Variants in SLC4A7 observed in about 807,000 individuals in gnomAD.
SLC4A7 encodes the protein sodium bicarbonate cotransporter 3.
A neutral mutation model predicts 137.6 loss-of-function variants in SLC4A7; 51 were observed. The observed-to-expected ratio is 0.37, with a 90% CI of 0.30 to 0.47. The LOEUF (loss-of-function observed/expected upper bound fraction) is 0.47, where lower values mean the gene tolerates loss of function less well. Ranked by LOEUF, SLC4A7 falls within the 20% of genes least tolerant of loss-of-function variation. The probability of loss-of-function intolerance (pLI) is 1.00; values close to 1 mark genes in which losing one functional copy is unlikely to be tolerated. For missense variants in SLC4A7, 1,247 were observed against 1,525.4 expected (o/e 0.82, Z 3.04); for synonymous variants, 542 against 518.6 (o/e 1.05, Z -0.61).
intron 22 of SLC4A7, among the ~76,000 whole-genome samples, chr3:27,386,318 CA>C (rs1376828079): frequency 7.3e-6 from 1 of 136,562 alleles, no homozygotes; most frequent in African/African-American, 2.4e-5. Flanking sequence ...CACTGAATAT[CA>C]AAGCAAAAAA....
chr3:27,478,493 A>C (rs531584555), intron 1 of SLC4A7, among the ~76,000 whole-genome samples: 1 of 149,208 alleles, frequency 6.7e-6, no homozygotes, highest in South Asian at 2.2e-4. Flanking sequence ...ACTCCTGGGC[A>C]AAAGAGCGAG....
chr3:27,408,639 C>T (rs530875268), intron 13 of SLC4A7, among the ~76,000 whole-genome samples: 8 of 152,252 alleles, frequency 5.3e-5, no homozygotes, highest in Middle Eastern at 3.4e-3. Flanking sequence ...AATTACAAAT[C>T]GTCTCATTTA....
intron 13 of SLC4A7, among the ~76,000 whole-genome samples, chr3:27,407,988 A>G (rs993234970): frequency 1.3e-5 from 2 of 152,144 alleles, no homozygotes; most frequent in South Asian, 4.1e-4. Context: ...CTGATAACTA[A>G]TACATATCCT....
At position 27,375,736 on chromosome 3, in the gene SLC4A7, G is replaced by T. The variant is rs1040036461; in HGVS notation, c.*1028C>A. 2.0e-5 allele frequency: 3 copies of T among 151,986 alleles called. No homozygotes were observed. Among genetic ancestry groups the T allele is most frequent in the African/African-American group, 7.3e-5 (3 of 41,304 alleles). 9.4% of individuals were successfully genotyped at this position (151,986 alleles called of 1,614,324 possible). On this transcript the variant is annotated 3_prime_UTR_variant, in exon 26 of 26. Coordinates refer to ENST00000454389, the MANE Select transcript of SLC4A7 (RefSeq NM_001321103.2). Reference sequence around the variant, plus strand: ...ATAAATATTTTAAAATAAAATCACAGGTAACAAGCTATTAAATGTAATCTA... The same window carrying T: ...ATAAATATTTTAAAATAAAATCACATGTAACAAGCTATTAAATGTAATCTA...
At chr3:27,431,766 C>T in intron 6 of SLC4A7, 97 bp from the exon 7 acceptor site, 1 of 1,242,738 alleles carries the variant, frequency 8.0e-7, no homozygotes, top group South Asian at 1.9e-5. Context: ...AAATTGCATA[C>T]TTCAAAGGCC....
chr3:27,424,497 A>T (rs901281445), intron 7 of SLC4A7: 12 of 165,778 alleles, frequency 7.2e-5, no homozygotes, highest in Non-Finnish European at 1.2e-4. Flanking sequence ...TTTAATTATC[A>T]TAAACATGTG....
chr3:27,484,132 G>A lies in SLC4A7; in HGVS notation c.-6C>T. On this transcript the variant is annotated 5_prime_UTR_variant, in exon 1 of 26. Transcript: ENST00000454389. Reference sequence around the variant, plus strand: ...CCGGCCCCATCAGCCTCCATGGCCGGCCGGCCAGCCCGTGACGGCCGCTAC... The same window carrying A: ...CCGGCCCCATCAGCCTCCATGGCCGACCGGCCAGCCCGTGACGGCCGCTAC... 1 of 1,374,470 alleles carries A rather than the reference G, an allele frequency of 7.3e-7. No individual in the cohort carries two copies. Among genetic ancestry groups the A allele is most frequent in the South Asian group, 1.6e-5 (1 of 60,782 alleles). The allele number at this position is 1,374,470 out of a possible 1,614,324, so 85.1% of individuals were successfully genotyped here.
At chr3:27,406,469 G>A (rs2053369462) in intron 13 of SLC4A7, among the ~76,000 whole-genome samples, 1 of 152,140 alleles carries the variant, frequency 6.6e-6, no homozygotes, top group Non-Finnish European at 1.5e-5. Flanking sequence ...CAGCATAAAG[G>A]AGAAGTGTCC....
intron 25 of SLC4A7, 131 bp downstream of exon 25, chr3:27,379,118 A>G: frequency 1.7e-6 from 1 of 579,572 alleles, no homozygotes; most frequent in South Asian, 2.3e-5. Context: ...AAAAGACAAA[A>G]ACATAATTAT....
chr3:27,397,106 G>A (rs566735956), intron 18 of SLC4A7, among the ~76,000 whole-genome samples: 23 of 152,074 alleles, frequency 1.5e-4, no homozygotes, highest in Non-Finnish European at 3.1e-4. Flanking sequence ...GCAGCTCACT[G>A]CAACCTCCGC....
At chr3:27,390,157 TAGGAGAAGA>T in intron 21 of SLC4A7, 53 bp from the exon 22 acceptor site, 1 of 1,115,106 alleles carries the variant, frequency 9.0e-7, no homozygotes, top group Admixed American at 2.2e-5. Flanking sequence ...TTCTGCTATT[TAGGAGAAGA>T]ATCTATACTC....
At chr3:27,476,161 TC>T (rs945183435) in intron 1 of SLC4A7, among the ~76,000 whole-genome samples, 27 of 152,196 alleles carry the variant, frequency 1.8e-4, no homozygotes, top group African/African-American at 6.5e-4. Context: ...TACCCAGTTT[TC>T]CAACAATCAG....
intron 1 of SLC4A7, among the ~76,000 whole-genome samples, chr3:27,478,931 G>A (rs2059591834): frequency 6.6e-6 from 1 of 151,246 alleles, no homozygotes; most frequent in Non-Finnish European, 1.5e-5. Context: ...CTTGAACCCA[G>A]AAGGTGGAGG....
intron 3 of SLC4A7, among the ~76,000 whole-genome samples, chr3:27,441,819 C>A (rs1402040088): frequency 1.3e-5 from 2 of 151,960 alleles, no homozygotes; most frequent in East Asian, 3.9e-4. Context: ...AGTTTATATT[C>A]TTAGAGGAAC....
At chr3:27,471,564 G>T (rs1190981617) in intron 1 of SLC4A7, among the ~76,000 whole-genome samples, 1 of 152,172 alleles carries the variant, frequency 6.6e-6, no homozygotes, top group Non-Finnish European at 1.5e-5. Context: ...TAGAGATGGG[G>T]TTCCTCCACG....
chr3:27,407,432 A>G (rs1268724924), intron 13 of SLC4A7, among the ~76,000 whole-genome samples: 1 of 150,768 alleles, frequency 6.6e-6, no homozygotes, highest in Non-Finnish European at 1.5e-5. Context: ...GTGAGCTGAG[A>G]TCGCGCCACT....
chr3:27,429,572 G>C (rs2056049858), intron 7 of SLC4A7, among the ~76,000 whole-genome samples: 1 of 152,146 alleles, frequency 6.6e-6, no homozygotes, highest in African/African-American at 2.4e-5. Flanking sequence ...AAATGTGGCT[G>C]GGCATGGTGG....
chr3:27,394,582 C>T lies in SLC4A7; in HGVS notation c.3053G>A (p.Arg1018Gln), dbSNP rs2051943516. The T allele has an allele frequency of 1.2e-6, 2 of 1,614,016 alleles. No homozygotes were observed. Among genetic ancestry groups the T allele is most frequent in the East Asian group, 2.2e-5 (1 of 44,866 alleles). Reference sequence around the variant, plus strand: ...AATAAAAATCATTAGCCCTGTAACCCGCTGTTCACGAATTCCCAAAAACTT... The same window carrying T: ...AATAAAAATCATTAGCCCTGTAACCTGCTGTTCACGAATTCCCAAAAACTT... ...QPKFLGIREQ[R>Q]VTGLMIFILM... Residue 1018 changes from arginine (R) to glutamine (Q), a missense_variant, in exon 20 of 26, where the codon CGG (arginine) becomes CAG (glutamine). Physicochemically the swap from Arg to Gln is conservative, Grantham distance 43 (BLOSUM62 1). This residue lies in a region of SLC4A7 where 290 missense variants were observed against 323.8 expected (regional missense o/e 0.90). Transcript: ENST00000454389.
intron 1 of SLC4A7, among the ~76,000 whole-genome samples, chr3:27,454,291 C>G (rs2058272264): frequency 6.6e-6 from 1 of 152,140 alleles, no homozygotes; most frequent in Non-Finnish European, 1.5e-5. Flanking sequence ...CGTGGCAAAA[C>G]CCCATCTCTA....
Sources: allele counts gnomAD v4.1 joint callset (sites outside exome capture counted in the v4.1 genomes callset), GRCh38; gene constraint gnomAD v4.1.1; regional missense constraint gnomAD v4.1.1; transcripts MANE v1.5; gene names NCBI Gene and HGNC (gene_info 2026-07-23, HGNC 2026-07-21).